The following DPP10 variants were observed in gnomAD, a reference collection of about 807,000 sequenced individuals.
The protein encoded by DPP10 is dipeptidyl peptidase like 10.
DPP10 carries 33 observed loss-of-function variants against 120.9 expected under a neutral mutation model. The ratio of observed to expected loss-of-function variants is 0.27; its 90% CI spans 0.21 to 0.37. The LOEUF is 0.37. Among genes scored for constraint, DPP10 ranks in the 10% least tolerant of loss-of-function variants. The pLI is 1.00. For synonymous variants in DPP10, 337 were observed against 326.1 expected (o/e 1.03, Z -0.36); for missense variants, 816 against 942.8 (o/e 0.87, Z 1.76).
intron 1 of DPP10, among the ~76,000 whole-genome samples, chr2:114,750,404 G>A (rs1679094274): frequency 6.6e-6 from 1 of 151,892 alleles, no homozygotes; most frequent in African/African-American, 2.4e-5. Flanking sequence ...CACAATCTTG[G>A]CTCACTGCAA....
At chr2:115,728,755 C>T (rs2092828271) in intron 8 of DPP10, among the ~76,000 whole-genome samples, 1 of 152,030 alleles carries the variant, frequency 6.6e-6, no homozygotes, top group Admixed American at 6.6e-5. Flanking sequence ...ATAACTTAGA[C>T]CAATTATTCA....
intron 1 of DPP10, among the ~76,000 whole-genome samples, chr2:114,977,899 G>A (rs757349952): frequency 6.7e-6 from 1 of 149,192 alleles, no homozygotes; most frequent in Non-Finnish European, 1.5e-5. Context: ...ATTTGCTGAT[G>A]GTGAATCTTA....
intron 12 of DPP10, among the ~76,000 whole-genome samples, chr2:115,767,005 A>G (rs1680843264): frequency 6.6e-6 from 1 of 152,172 alleles, no homozygotes. Context: ...GATCCAAACT[A>G]TATCAGGTGC....
At chr2:115,782,954 G>C (rs1682947437) in intron 17 of DPP10, among the ~76,000 whole-genome samples, 1 of 152,096 alleles carries the variant, frequency 6.6e-6, no homozygotes, top group South Asian at 2.1e-4. Context: ...TACACTGAAA[G>C]AGTGTTTTGT....
In DPP10 at chr2:115,843,640, T is replaced by C. The variant is rs1690367889; in HGVS notation, c.*1295T>C. ...AAGGCACAAAATGCATCAATTCCTG[T>C]GCTGTGTTGACTTGCAGTAGTAAGT... On this transcript the variant is annotated 3_prime_UTR_variant, in exon 26 of 26. Transcript: ENST00000410059. 6.6e-6 allele frequency: 1 copy of C among 152,216 alleles called. No individual in the cohort carries two copies. Among genetic ancestry groups the C allele is most frequent in the Non-Finnish European group, 1.5e-5 (1 of 68,022 alleles). 9.4% of individuals were successfully genotyped at this position (152,216 alleles called of 1,614,324 possible).
chr2:115,734,682 A>G (rs1347060605), intron 8 of DPP10, among the ~76,000 whole-genome samples: 6 of 120,246 alleles, frequency 5.0e-5, no homozygotes, highest in African/African-American at 2.0e-4. Flanking sequence ...AAAAAAAAAA[A>G]GAACTTAGAG....
intron 1 of DPP10, chr2:114,461,545 C>A: frequency 2.0e-6 from 2 of 977,222 alleles, no homozygotes; most frequent in Non-Finnish European, 2.4e-6. Context: ...TAATGATCAA[C>A]CTCCTTTTCT....
chr2:115,328,943 A>C (rs2062534806), intron 2 of DPP10, among the ~76,000 whole-genome samples: 1 of 152,098 alleles, frequency 6.6e-6, no homozygotes, highest in East Asian at 1.9e-4. Context: ...ACTGTTTGTG[A>C]AGCATCATTG....
intron 1 of DPP10, among the ~76,000 whole-genome samples, chr2:114,758,787 ATG>A (rs1202940944): frequency 2.6e-5 from 4 of 152,216 alleles, no homozygotes; most frequent in African/African-American, 9.7e-5. Flanking sequence ...TCTCAACTGT[ATG>A]TATGTTGTCT....
chr2:114,453,074 T>C (rs1678375734), intron 1 of DPP10, among the ~76,000 whole-genome samples: 1 of 152,062 alleles, frequency 6.6e-6, no homozygotes, highest in Non-Finnish European at 1.5e-5. Flanking sequence ...CAAGTAAATA[T>C]TGGATCCTGT....
chr2:115,346,072 A>G (rs2063697470), intron 3 of DPP10, among the ~76,000 whole-genome samples: 1 of 152,192 alleles, frequency 6.6e-6, no homozygotes, highest in South Asian at 2.1e-4. Flanking sequence ...CAATGCCTGT[A>G]AATTGTGTGC....
chr2:114,666,084 T>C (rs965088262), intron 1 of DPP10, among the ~76,000 whole-genome samples: 2 of 152,222 alleles, frequency 1.3e-5, no homozygotes, highest in Admixed American at 1.3e-4. Flanking sequence ...TATTGGTACT[T>C]ACTTTATATC....
At chr2:114,524,411 TA>T (rs971642655) in intron 1 of DPP10, among the ~76,000 whole-genome samples, 1 of 152,168 alleles carries the variant, frequency 6.6e-6, no homozygotes, top group African/African-American at 2.4e-5. Context: ...AAACAGCTAA[TA>T]AAAACTGATG....
In DPP10 at chr2:114,643,935, ATT is replaced by A. The variant is rs56039510; in HGVS notation, c.60+201113_60+201114del. Reference sequence around the variant, plus strand: ...TATGTGTGTGTATATATATATATATATTTTTTTTTTTTTTTTTGAGACAGAGT... The same window carrying A: ...TATGTGTGTGTATATATATATATATATTTTTTTTTTTTTTTGAGACAGAGT... On this transcript the variant is annotated intron_variant, in intron 1 of 25. Transcript: ENST00000410059. Among the ~76,000 whole-genome samples the A allele has an allele frequency of 6.6e-3, 863 of 130,106 alleles. 22 individuals carry two copies. Among genetic ancestry groups the A allele is most frequent in the African/African-American group, 0.025 (798 of 32,110 alleles). 85.4% of individuals were successfully genotyped at this position (130,106 alleles called of 152,430 possible).
chr2:114,877,499 A>G (rs1446365303), intron 1 of DPP10, among the ~76,000 whole-genome samples: 1 of 152,074 alleles, frequency 6.6e-6, no homozygotes, highest in Non-Finnish European at 1.5e-5. Context: ...ACATAGTGAC[A>G]TTGAACTCAC....
chr2:115,007,906 C>T (rs1261030090), intron 1 of DPP10, among the ~76,000 whole-genome samples: 4 of 151,964 alleles, frequency 2.6e-5, no homozygotes, highest in South Asian at 2.1e-4. Context: ...AACTAGAAAC[C>T]GCTGCTCAAG....
intron 7 of DPP10, among the ~76,000 whole-genome samples, chr2:115,713,139 A>T (rs1014428109): frequency 7.1e-6 from 1 of 140,846 alleles, no homozygotes. Context: ...TGTAAAAAAA[A>T]TTAAAAAAAT....
chr2:115,298,148 T>C (rs915411508), intron 1 of DPP10, among the ~76,000 whole-genome samples: 1 of 152,096 alleles, frequency 6.6e-6, no homozygotes, highest in Non-Finnish European at 1.5e-5. Context: ...CTAGGTGTTA[T>C]GGATACAGAA....
At chr2:115,447,342 C>G (rs2072700314) in intron 3 of DPP10, among the ~76,000 whole-genome samples, 1 of 152,152 alleles carries the variant, frequency 6.6e-6, no homozygotes, top group Non-Finnish European at 1.5e-5. Context: ...GGGACTTGCT[C>G]TGTCTCAGAT....
Sources: gnomAD v4.1 joint callset for allele counts (sites outside exome capture counted in the v4.1 genomes callset) on GRCh38, gnomAD v4.1.1 for gene constraint, MANE v1.5 for transcripts, NCBI Gene and HGNC (gene_info 2026-07-23, HGNC 2026-07-21) for gene names.